SESTD1: variants seen among roughly 807,000 people sequenced by gnomAD.
SESTD1 encodes the protein SEC14 and spectrin domain containing 1.
A neutral mutation model predicts 101.7 loss-of-function variants in SESTD1; 43 were observed. The ratio of observed to expected loss-of-function variants is 0.42; its 90% confidence interval spans 0.33 to 0.55. The LOEUF (loss-of-function observed/expected upper bound fraction) is 0.55. SESTD1 is among the 20% of genes least tolerant of loss of function. The pLI, the probability that SESTD1 is intolerant of heterozygous loss-of-function variation, is 0.07. For synonymous variants in SESTD1, 283 were observed against 286.8 expected (o/e 0.99, Z 0.13); for missense variants, 647 against 815.1 (o/e 0.79, Z 2.51).
chr2:179,182,999 G>A lies in SESTD1; in HGVS notation c.164+81C>T, dbSNP rs368206284. The A allele has an allele frequency of 1.3e-4, 122 of 941,096 alleles. 1 individual carries two copies. The South Asian group carries it at 1.9e-3, about 14-fold the overall frequency. 58.3% of individuals were successfully genotyped at this position (941,096 alleles called of 1,614,324 possible). A position where few individuals can be genotyped will look rare whatever the true frequency, so the allele number is the denominator to read the frequency against. On this transcript the variant is annotated intron_variant, in intron 3 of 17. Transcript: ENST00000428443. ...GAATAAAAGCAGATAAGATAGCAAAGTATAATTCAACAATAGAAAGAATCA... is the reference window on the plus strand; with the variant it reads ...GAATAAAAGCAGATAAGATAGCAAAATATAATTCAACAATAGAAAGAATCA...
At chr2:179,263,609 G>T (rs561965376) in intron 1 of SESTD1, among the ~76,000 whole-genome samples, 1 of 150,146 alleles carries the variant, frequency 6.7e-6, no homozygotes, top group South Asian at 2.2e-4. Context: ...TTACTCCCTC[G>T]GCAGCACTCC....
chr2:179,139,000 C>T (rs1349824830), intron 9 of SESTD1, among the ~76,000 whole-genome samples: 1 of 150,128 alleles, frequency 6.7e-6, no homozygotes, highest in Non-Finnish European at 1.5e-5. Context: ...TATTTCAAAA[C>T]AATTATGTAA....
intron 16 of SESTD1, among the ~76,000 whole-genome samples, chr2:179,113,584 GT>G (rs2044560556): frequency 6.6e-6 from 1 of 151,982 alleles, no homozygotes; most frequent in Admixed American, 6.6e-5. Context: ...ATCTAATCAT[GT>G]TTACTTCAGC....
rs535916008 is a variant in SESTD1, at chr2:179,132,364, G to A, written c.912C>T (p.Asp304=). The A allele has an allele frequency of 1.3e-6, 2 of 1,572,832 alleles. No individual in the cohort carries two copies. Among genetic ancestry groups the A allele is most frequent in the Non-Finnish European group, 8.6e-7 (1 of 1,167,520 alleles). Residue 304 remains aspartate, a synonymous_variant, in exon 10 of 18, where the codon GAC becomes GAT. Transcript: ENST00000428443. ...GTAGGGCCTGGGAGGCCCTAATGGAGTCTCCAATGCCCCACTGGGCTCTTA... is the reference window on the plus strand; with the variant it reads ...GTAGGGCCTGGGAGGCCCTAATGGAATCTCCAATGCCCCACTGGGCTCTTA... ...EQLRAQWGIG[D]SIRASQALQQ... is the part of the protein sequence containing the mutation.
intron 2 of SESTD1, among the ~76,000 whole-genome samples, chr2:179,190,743 C>T (rs2046307774): frequency 6.6e-6 from 1 of 152,136 alleles, no homozygotes; most frequent in African/African-American, 2.4e-5. Context: ...ACAGACATTT[C>T]TCAAAAGAAG....
rs1399606465 is a variant in SESTD1, at chr2:179,206,503, C to T, written c.-25-14637G>A. 2.2e-5 allele frequency among the ~76,000 whole-genome samples: 3 copies of T among 135,748 alleles called. 1 individual carries two copies. The highest frequency in any genetic ancestry group is 2.1e-4 in the Admixed American group (3 of 14,036). The allele number at this position is 135,748 out of a possible 152,430, so 89.1% of individuals were successfully genotyped here. ...CAGCTGGAAGAGCCCTGTAGGCACT[C>T]CTGGTCCCCAGCATGAGCCCAGGGA... On this transcript the variant is annotated intron_variant, in intron 1 of 17. Coordinates refer to ENST00000428443, the MANE Select transcript of SESTD1 (RefSeq NM_178123.5).
intron 1 of SESTD1, among the ~76,000 whole-genome samples, chr2:179,199,870 A>G (rs1017829644): frequency 1.3e-5 from 2 of 152,252 alleles, no homozygotes; most frequent in African/African-American, 4.8e-5. Context: ...GGCACAAGAC[A>G]GAGATGCCCT....
intron 1 of SESTD1, among the ~76,000 whole-genome samples, chr2:179,201,115 C>T (rs1447710833): frequency 3.0e-5 from 4 of 134,346 alleles, no homozygotes; most frequent in Admixed American, 1.4e-4. Context: ...GGGCGAAGGA[C>T]ATGAACAGAC....
At chr2:179,243,485 T>C (rs1174803198) in intron 1 of SESTD1, among the ~76,000 whole-genome samples, 1 of 152,030 alleles carries the variant, frequency 6.6e-6, no homozygotes, top group African/African-American at 2.4e-5. Flanking sequence ...CTATTCACAA[T>C]AGCAAAGACA....
rs2045400098 is a variant in SESTD1, at chr2:179,146,549, G to T, written c.582-92C>A. On this transcript the variant is annotated intron_variant, in intron 7 of 17. Transcript: ENST00000428443. Reference sequence around the variant, plus strand: ...TTACATATAAAAAAACAGAACAGGGGCACAAAAGTATGAAAATCTGAAGCA... The same window carrying T: ...TTACATATAAAAAAACAGAACAGGGTCACAAAAGTATGAAAATCTGAAGCA... 3 of 1,030,848 alleles carry T rather than the reference G, an allele frequency of 2.9e-6. No individual in the cohort carries two copies. In the East Asian group the frequency reaches 7.5e-5, roughly 26 times the overall value. The allele number at this position is 1,030,848 out of a possible 1,614,324, so 63.9% of individuals were successfully genotyped here. A position where few individuals can be genotyped will look rare whatever the true frequency, so the allele number is the denominator to read the frequency against.
chr2:179,234,693 A>C (rs1306112000), intron 1 of SESTD1, among the ~76,000 whole-genome samples: 2 of 152,214 alleles, frequency 1.3e-5, no homozygotes, highest in African/African-American at 2.4e-5. Flanking sequence ...TTCTGAAGAC[A>C]CATCACTTCT....
rs745954497 is a variant in SESTD1 at position 179,143,629 on chromosome 2, C to T, written c.812G>A (p.Arg271His). 21 of 1,613,736 alleles carry T rather than the reference C, an allele frequency of 1.3e-5. No individual in the cohort carries two copies. Among genetic ancestry groups the T allele is most frequent in the Middle Eastern group, 1.6e-4 (1 of 6,084 alleles). ...YQEVCRQRSK[R>H]TQLEEIQQKV... ...CTGTTGAATCTCTTCTAACTGTGTGCGCTTGCTACGTTGCCTACAAACTTC... is the reference window on the plus strand; with the variant it reads ...CTGTTGAATCTCTTCTAACTGTGTGTGCTTGCTACGTTGCCTACAAACTTC... The change falls in exon 9 of 18, where the codon CGC becomes CAC. Residue 271 changes from arginine to histidine, a missense_variant. Around this residue, in one of 3 missense-constraint regions of SESTD1, gnomAD observed 476 missense variants for 562.6 expected, o/e 0.85. Transcript: ENST00000428443.
rs80281724 is a variant in SESTD1, at chr2:179,181,543, A to G, written c.164+1537T>C. ...AGAATTGGACTTCACATGAGATGCA[A>G]CTACACTGAATTCTACTCATCTGAA... On this transcript the variant is annotated intron_variant, in intron 3 of 17. Transcript: ENST00000428443. Among the ~76,000 whole-genome samples, 72 of 152,230 alleles carry G rather than the reference A, an allele frequency of 4.7e-4. No homozygotes were observed. In the East Asian group the frequency reaches 0.013, roughly 28 times the overall value.
intron 13 of SESTD1, 89 bp from the exon 14 acceptor site, chr2:179,117,702 T>A: frequency 2.0e-6 from 2 of 989,566 alleles, no homozygotes; most frequent in Non-Finnish European, 2.9e-6. Context: ...TATTTTATAG[T>A]ACACTAAAAT....
intron 1 of SESTD1, among the ~76,000 whole-genome samples, chr2:179,257,038 C>T (rs1000926671): frequency 6.6e-6 from 1 of 152,032 alleles, no homozygotes; most frequent in African/African-American, 2.4e-5. Context: ...AACGCTACCA[C>T]CCAGCATCTC....
chr2:179,112,409 T>C (rs2044530612), intron 17 of SESTD1, among the ~76,000 whole-genome samples: 1 of 152,148 alleles, frequency 6.6e-6, no homozygotes, highest in East Asian at 1.9e-4. Context: ...TGTCCCCTCT[T>C]CCTTTTCCTG....
At chr2:179,237,772 C>CTTCG (rs1181723952) in intron 1 of SESTD1, among the ~76,000 whole-genome samples, 1 of 152,162 alleles carries the variant, frequency 6.6e-6, no homozygotes, top group Non-Finnish European at 1.5e-5. Context: ...AGTACAGAGA[C>CTTCG]TTGCCCCACC....
chr2:179,177,679 G>A (rs2046034936), intron 3 of SESTD1, among the ~76,000 whole-genome samples: 1 of 152,136 alleles, frequency 6.6e-6, no homozygotes, highest in African/African-American at 2.4e-5. Flanking sequence ...AGCTTCCAAA[G>A]TAAACAAAAG....
At chr2:179,189,571 A>C (rs1023862171) in intron 2 of SESTD1, among the ~76,000 whole-genome samples, 1 of 152,188 alleles carries the variant, frequency 6.6e-6, no homozygotes, top group African/African-American at 2.4e-5. Context: ...TCCTAGCAAG[A>C]ACCATCAGGC....
Sources: allele counts gnomAD v4.1 joint callset (sites outside exome capture counted in the v4.1 genomes callset), GRCh38; gene constraint gnomAD v4.1.1; regional missense constraint gnomAD v4.1.1; transcripts MANE v1.5; gene names NCBI Gene and HGNC (gene_info 2026-07-23, HGNC 2026-07-21).